Variants in PDXDC1 observed in about 807,000 individuals in gnomAD.
PDXDC1 encodes pyridoxal-dependent decarboxylase domain-containing protein 1.
Under a neutral mutation model 100.1 loss-of-function variants are expected in PDXDC1, and 42 were observed. That is an observed-to-expected ratio of 0.42 (90% CI 0.33 to 0.54). The LOEUF is 0.54. Ranked by LOEUF, PDXDC1 falls within the 20% of genes least tolerant of loss-of-function variation. The pLI, the probability that PDXDC1 is intolerant of heterozygous loss-of-function variation, is 0.10. For synonymous variants in PDXDC1, 260 were observed against 371.7 expected, an observed-to-expected ratio of 0.70 and a Z score of 3.46; for missense variants, 636 against 979.2, an observed-to-expected ratio of 0.65 and a Z score of 4.68.
intron 1 of PDXDC1, chr16:14,988,319 G>A (rs539950122): frequency 2.1e-5 from 33 of 1,601,388 alleles, no homozygotes; most frequent in Middle Eastern, 3.3e-4. Context: ...CACAGTACTC[G>A]TTGTAGATGA....
At chr16:15,004,837 A>G (rs1253667161) in intron 5 of PDXDC1, among the ~76,000 whole-genome samples, 1 of 152,270 alleles carries the variant, frequency 6.6e-6, no homozygotes, top group Non-Finnish European at 1.5e-5. Context: ...TCTTGATTAC[A>G]TATAATACCT....
chr16:15,055,847 TC>T, intron 16 of PDXDC1: 1 of 1,069,086 alleles, frequency 9.4e-7, no homozygotes, highest in Non-Finnish European at 1.2e-6. Flanking sequence ...CCCTGCAGCT[TC>T]CCCTCGGGCC....
At chr16:15,077,617 G>A (rs866592041) in intron 16 of PDXDC1, among the ~76,000 whole-genome samples, 1 of 152,158 alleles carries the variant, frequency 6.6e-6, no homozygotes, top group African/African-American at 2.4e-5. Context: ...CGAGGTGGAC[G>A]GATCATGAGG....
chr16:15,034,646 C>T (rs1052215073), intron 21 of PDXDC1, 93 bp downstream of exon 21: 1 of 907,718 alleles, frequency 1.1e-6, no homozygotes, highest in South Asian at 1.4e-5. Context: ...GAGAATCCCG[C>T]CCTGGTTCCC....
At chr16:15,080,641 G>A (rs1391607414) in intron 16 of PDXDC1, among the ~76,000 whole-genome samples, 1 of 152,118 alleles carries the variant, frequency 6.6e-6, no homozygotes, top group East Asian at 1.9e-4. Flanking sequence ...ATGTTGCCCA[G>A]GCTGGTCTTC....
intron 16 of PDXDC1, among the ~76,000 whole-genome samples, chr16:15,067,282 T>C (rs2045020314): frequency 1.3e-5 from 2 of 150,330 alleles, no homozygotes; most frequent in African/African-American, 2.4e-5. Flanking sequence ...CCAATTCGCT[T>C]TCTCCATAAA....
intron 8 of PDXDC1, among the ~76,000 whole-genome samples, chr16:15,011,969 C>G (rs1337871935): frequency 1.3e-5 from 2 of 152,254 alleles, no homozygotes; most frequent in Admixed American, 1.3e-4. Flanking sequence ...CAGCCAGCCA[C>G]TGTCCCAGTC....
chr16:15,126,215 T>C (rs2047716944), intron 16 of PDXDC1, among the ~76,000 whole-genome samples: 1 of 150,390 alleles, frequency 6.6e-6, no homozygotes, highest in African/African-American at 2.4e-5. Flanking sequence ...TTTGTATTTT[T>C]AGTAGAGACG....
chr16:15,024,429 CAG>C lies in PDXDC1; in HGVS notation c.1140+1678_1140+1679del, dbSNP rs1334234196. On this transcript the variant is annotated intron_variant, in intron 13 of 22. Coordinates refer to ENST00000396410, the MANE Select transcript of PDXDC1 (RefSeq NM_015027.4). ...TTCTTCTGTTTATTTTTTTTTGAGA[CAG>C]AGTCTCACTATGTAGCCCAGACTGG... is the stretch of plus-strand genomic sequence containing the variant. Among the ~76,000 whole-genome samples, 4 of 140,296 alleles carry C rather than the reference CAG, an allele frequency of 2.9e-5. No individual in the cohort carries two copies. The East Asian group carries it at 6.5e-4, about 23-fold the overall frequency. The allele number at this position is 140,296 out of a possible 152,430, so 92.0% of individuals were successfully genotyped here.
intron 16 of PDXDC1, among the ~76,000 whole-genome samples, chr16:15,106,530 T>C (rs183865019): frequency 6.7e-6 from 1 of 150,198 alleles, no homozygotes; most frequent in East Asian, 1.9e-4. Flanking sequence ...GCGAGGTGGA[T>C]GGATCACGAG....
At chr16:15,074,609 C>G (rs2045373697) in intron 16 of PDXDC1, 4 of 736,788 alleles carry the variant, frequency 5.4e-6, no homozygotes, top group South Asian at 2.3e-5. Flanking sequence ...AACTCATACT[C>G]AATAGATATT....
At chr16:15,050,769 T>C (rs1372842826) in intron 16 of PDXDC1, among the ~76,000 whole-genome samples, 1 of 151,706 alleles carries the variant, frequency 6.6e-6, no homozygotes, top group Non-Finnish European at 1.5e-5. Context: ...AAAGAAGAGA[T>C]GTAATAAACA....
intron 6 of PDXDC1, among the ~76,000 whole-genome samples, chr16:15,007,493 G>A (rs1448923524): frequency 6.6e-6 from 1 of 152,244 alleles, no homozygotes; most frequent in Non-Finnish European, 1.5e-5. Context: ...TATTTTTAAA[G>A]TTCATGGTGC....
At chr16:15,041,954 C>T (rs925882965), downstream of PDXDC1, among the ~76,000 whole-genome samples, 4 of 152,156 alleles carry the variant, frequency 2.6e-5, no homozygotes, top group African/African-American at 4.8e-5. Context: ...GAGAGTTTTG[C>T]GGGGACCCAT....
rs565851224 is a variant in PDXDC1, at chr16:15,055,812, G to A, written c.1399+25756G>A. The A allele has an allele frequency of 2.5e-4, 193 of 767,104 alleles. 3 individuals are homozygous for A. In the South Asian group the frequency reaches 4.1e-3, roughly 16 times the overall value. The allele number at this position is 767,104 out of a possible 1,614,324, so 47.5% of individuals were successfully genotyped here. ...CAACAGCGCCAAGTTTCAAGTCTGTGTCGCGTGAGGGGGGCGCTAGCCCGC... is the reference window on the plus strand; with the variant it reads ...CAACAGCGCCAAGTTTCAAGTCTGTATCGCGTGAGGGGGGCGCTAGCCCGC... On this transcript the variant is annotated intron_variant, in intron 16 of 16. Transcript: ENST00000535621.
chr16:15,071,097 T>C (rs1242276407), intron 16 of PDXDC1: 1 of 1,585,488 alleles, frequency 6.3e-7, no homozygotes, highest in South Asian at 1.2e-5. Flanking sequence ...TATTAAAAAG[T>C]ATTCGGAAAA....
downstream of PDXDC1, among the ~76,000 whole-genome samples, chr16:15,041,898 G>C (rs538899615): frequency 4.2e-4 from 64 of 152,288 alleles, no homozygotes; most frequent in African/African-American, 1.5e-3. Context: ...TCAGCCTCAG[G>C]CCCGAAGGAG....
At chr16:15,146,043 C>T in the PDXDC1 span, among the ~76,000 whole-genome samples, 1 of 152,282 alleles carries the variant, frequency 6.6e-6, no homozygotes, top group Admixed American at 6.5e-5. Flanking sequence ...GGCAGAACCA[C>T]CCCATACCCT....
intron 16 of PDXDC1, chr16:15,104,859 T>A: frequency 6.6e-7 from 1 of 1,516,558 alleles, no homozygotes; most frequent in South Asian, 1.3e-5. Context: ...GTGATAGATT[T>A]TTGCACCTTT....
Sources: allele counts gnomAD v4.1 joint callset (sites outside exome capture counted in the v4.1 genomes callset), GRCh38; gene constraint gnomAD v4.1.1; transcripts MANE v1.5; gene names NCBI Gene and HGNC (gene_info 2026-07-23, HGNC 2026-07-21).